FANCD2: variants seen among roughly 807,000 people sequenced by gnomAD.
The protein encoded by FANCD2 is FA complementation group D2, also known as Fanconi anemia group D2 protein.
A neutral mutation model predicts 192.3 loss-of-function variants in FANCD2; 131 were observed. The ratio of observed to expected loss-of-function variants is 0.68; its 90% CI spans 0.59 to 0.79. The LOEUF (loss-of-function observed/expected upper bound fraction) is 0.79. Among genes scored for constraint, FANCD2 ranks in the 30% least tolerant of loss-of-function variants. The pLI is 0.00. For synonymous variants in FANCD2, 524 were observed against 612.5 expected (o/e 0.86, Z 2.13); for missense variants, 1,508 against 1,701.6 (o/e 0.89, Z 2.00).
intron 42 of FANCD2, among the ~76,000 whole-genome samples, chr3:10,096,869 AT>A (rs373901619): frequency 6.6e-6 from 1 of 152,160 alleles, no homozygotes; most frequent in Non-Finnish European, 1.5e-5. Flanking sequence ...TATTCCAGAA[AT>A]TACAAATTAA....
rs1694515790 is a variant in FANCD2 at position 10,090,370 on chromosome 3, A to C, written c.3762A>C (p.Ala1254=). 6.2e-7 allele frequency: 1 copy of C among 1,609,958 alleles called. No homozygotes were observed. Among genetic ancestry groups the C allele is most frequent in the Admixed American group, 1.7e-5 (1 of 59,910 alleles). The change falls in exon 37 of 44, where the codon GCA becomes GCC. Residue 1254 remains alanine, a synonymous_variant. Coordinates refer to ENST00000675286, the MANE Select transcript of FANCD2 (RefSeq NM_001018115.3). ...KTVKKIEPGT[A]ADSQQIHEEK... ...TGAAAAAAATTGAGCCTGGCACAGC[A>C]GCAGACTCGCAGCAGGTGAGTAAGA...
chr3:10,030,552 T>C (rs1303693926), intron 2 of FANCD2, among the ~76,000 whole-genome samples: 3 of 152,198 alleles, frequency 2.0e-5, no homozygotes, highest in African/African-American at 7.2e-5. Flanking sequence ...ACAGTGATTA[T>C]AATGATAAAA....
intron 18 of FANCD2, among the ~76,000 whole-genome samples, chr3:10,055,134 CTATTT>C (rs1277108656): frequency 7.9e-5 from 12 of 152,278 alleles, no homozygotes; most frequent in African/African-American, 2.2e-4. Context: ...AACTACTTCA[CTATTT>C]TATTTTATTT....
At chr3:10,095,018 G>A (rs1694868698) in intron 40 of FANCD2, 182 bp from the exon 41 acceptor site, 1 of 633,646 alleles carries the variant, frequency 1.6e-6, no homozygotes, top group Admixed American at 2.3e-5. Context: ...ACAGAAATGG[G>A]AGAGTTGAGA....
intron 30 of FANCD2, among the ~76,000 whole-genome samples, 188 bp from the exon 31 acceptor site, chr3:10,080,912 T>G (rs1015182371): frequency 2.6e-5 from 4 of 152,200 alleles, no homozygotes; most frequent in Admixed American, 6.5e-5. Context: ...CAAAAGCCAA[T>G]CTCTCAGTCA....
chr3:10,092,540 A>T (rs539291890), intron 38 of FANCD2, among the ~76,000 whole-genome samples: 3 of 150,304 alleles, frequency 2.0e-5, no homozygotes, highest in African/African-American at 7.4e-5. Context: ...TGGATCCTCT[A>T]TGATCTGAGC....
At chr3:10,072,219 A>T (rs1440345211) in intron 26 of FANCD2, among the ~76,000 whole-genome samples, 1 of 152,018 alleles carries the variant, frequency 6.6e-6, no homozygotes, top group Non-Finnish European at 1.5e-5. Flanking sequence ...TGTGATTATT[A>T]TACATTGTGT....
intron 10 of FANCD2, among the ~76,000 whole-genome samples, chr3:10,042,309 A>G (rs1266239502): frequency 6.6e-6 from 1 of 152,178 alleles, no homozygotes. Context: ...CCAGTTGAGA[A>G]TTTAGGCTCT....
chr3:10,062,247 C>CTT (rs751474920), intron 20 of FANCD2, 36 bp downstream of exon 20: 3,284 of 1,321,226 alleles, frequency 2.5e-3, no homozygotes, highest in Non-Finnish European at 2.8e-3. Context: ...TTTTTCCTGT[C>CTT]TTTTTTTTTT....
At chr3:10,043,642 G>A (rs1348401559) in intron 13 of FANCD2, 50 bp downstream of exon 13, 8 of 1,419,454 alleles carry the variant, frequency 5.6e-6, no homozygotes, top group African/African-American at 4.3e-5. Flanking sequence ...GTGGCAATTA[G>A]TGACAGATGT....
intron 32 of FANCD2, among the ~76,000 whole-genome samples, chr3:10,081,869 T>G (rs1486882831): frequency 2.0e-5 from 3 of 152,068 alleles, no homozygotes; most frequent in East Asian, 1.9e-4. Flanking sequence ...TTTAGAGAGA[T>G]AACGGAAGGA....
chr3:10,050,608 G>A (rs1240030433), intron 17 of FANCD2, among the ~76,000 whole-genome samples: 25 of 121,544 alleles, frequency 2.1e-4, no homozygotes, highest in Non-Finnish European at 3.3e-4. Context: ...GGGCGACAGA[G>A]CAAGACTCTG....
At chr3:10,096,556 AG>A in intron 42 of FANCD2, 84 bp downstream of exon 42, 2 of 1,294,216 alleles carry the variant, frequency 1.5e-6, no homozygotes. Flanking sequence ...AGGTCACCTA[AG>A]CCCTCGTCTC....
intron 26 of FANCD2, among the ~76,000 whole-genome samples, chr3:10,069,470 TCCCCCTCCCC>T (rs2087812307): frequency 1.0e-4 from 8 of 78,076 alleles, no homozygotes; most frequent in African/African-American, 5.5e-4. Context: ...CCTCTCCCCC[TCCCCCTCCCC>T]CTCCCCCTCT....
intron 40 of FANCD2, 82 bp from the exon 41 acceptor site, chr3:10,095,118 G>A: frequency 8.4e-7 from 1 of 1,189,256 alleles, no homozygotes; most frequent in Non-Finnish European, 1.2e-6. Context: ...ATCCTCTTTG[G>A]AGCTTTTGAT....
Position 10,090,382 on chromosome 3 carries a change from G to A in FANCD2, c.3774G>A (p.Gln1258=). 1 of 1,599,518 alleles carries A rather than the reference G, an allele frequency of 6.3e-7. No individual in the cohort carries two copies. Among genetic ancestry groups the A allele is most frequent in the Non-Finnish European group, 8.5e-7 (1 of 1,170,390 alleles). The change falls in exon 37 of 44, where the codon CAG becomes CAA. Residue 1258 remains glutamine, a synonymous_variant. Transcript: ENST00000675286. The part of the protein sequence containing the change: ...KIEPGTAADS[Q]QIHEEKLLYW... The stretch of plus-strand genomic sequence containing the variant: ...AGCCTGGCACAGCAGCAGACTCGCA[G>A]CAGGTGAGTAAGATAATAGTCACTT...
At position 10,067,198 on chromosome 3, in the gene FANCD2, G is replaced by C; in HGVS notation, c.2386-11G>C. The stretch of plus-strand genomic sequence containing the variant: ...ATTTGGAAGTATGAGAATGTAATTT[G>C]TACTTTGCAGATTGTAAATGCCTTC... On this transcript the variant is annotated splice_polypyrimidine_tract_variant and intron_variant, in intron 25 of 43. Transcript: ENST00000675286. The C allele has an allele frequency of 6.5e-7, 1 of 1,533,468 alleles. No individual in the cohort carries two copies. Among genetic ancestry groups the C allele is most frequent in the Non-Finnish European group, 9.0e-7 (1 of 1,107,436 alleles). 95.0% of individuals were successfully genotyped at this position (1,533,468 alleles called of 1,614,324 possible).
chr3:10,034,462 T>C lies in FANCD2; in HGVS notation c.206-7T>C. 6.2e-7 allele frequency: 1 copy of C among 1,609,580 alleles called. No individual in the cohort carries two copies. Among genetic ancestry groups the C allele is most frequent in the Non-Finnish European group, 8.5e-7 (1 of 1,175,872 alleles). On this transcript the variant is annotated splice_polypyrimidine_tract_variant and splice_region_variant and intron_variant, in intron 3 of 43. Coordinates refer to ENST00000675286, the MANE Select transcript of FANCD2 (RefSeq NM_001018115.3). ...ACTGGTGACCAGCTCTTCTTTTTTC[T>C]GCATAGCTGTGGATCAAATAGCTTT...
chr3:10,100,655 T>G (rs961744572), intron 43 of FANCD2, among the ~76,000 whole-genome samples: 1 of 152,212 alleles, frequency 6.6e-6, no homozygotes, highest in Non-Finnish European at 1.5e-5. Context: ...TACTTTGGCG[T>G]GAGCCACCGT....
Sources: allele counts gnomAD v4.1 joint callset (sites outside exome capture counted in the v4.1 genomes callset), GRCh38; gene constraint gnomAD v4.1.1; transcripts MANE v1.5; gene names NCBI Gene and HGNC (gene_info 2026-07-23, HGNC 2026-07-21).